SYNJ2: variants seen among roughly 807,000 people sequenced by gnomAD.
SYNJ2 encodes the protein polyphosphatidylinositol phosphatase SYNJ2.
A neutral mutation model predicts 141.3 loss-of-function variants in SYNJ2; 116 were observed. The observed-to-expected ratio is 0.82, with a 90% confidence interval of 0.71 to 0.96. The LOEUF (loss-of-function observed/expected upper bound fraction) is 0.96. Ranked by LOEUF, SYNJ2 falls within the 40% of genes least tolerant of loss-of-function variation. SYNJ2 has a pLI of 0.00. For missense variants in SYNJ2, 1,873 were observed against 1,934.8 expected, an observed-to-expected ratio of 0.97 and a Z score of 0.60; for synonymous variants, 745 against 777.7, an observed-to-expected ratio of 0.96 and a Z score of 0.70.
intron 2 of SYNJ2, among the ~76,000 whole-genome samples, chr6:158,026,465 A>G (rs567828161): frequency 6.6e-6 from 1 of 152,166 alleles, no homozygotes; most frequent in South Asian, 2.1e-4. Flanking sequence ...CCCTGCCTCC[A>G]CTGCGCTCAC....
chr6:158,033,810 T>C, intron 4 of SYNJ2, 130 bp downstream of exon 4: 1 of 908,706 alleles, frequency 1.1e-6, no homozygotes, highest in Non-Finnish European at 1.6e-6. Context: ...CTTCCTCCTA[T>C]AAGTGGAGAA....
intron 1 of SYNJ2, among the ~76,000 whole-genome samples, chr6:158,012,530 A>G (rs986149124): frequency 5.9e-5 from 9 of 152,218 alleles, no homozygotes; most frequent in Non-Finnish European, 1.2e-4. Context: ...AGAGACAAGG[A>G]AATGGATTCT....
chr6:158,024,050 CCTA>C (rs1291901602), intron 2 of SYNJ2, among the ~76,000 whole-genome samples: 1 of 152,150 alleles, frequency 6.6e-6, no homozygotes, highest in African/African-American at 2.4e-5. Flanking sequence ...TGGTGCAGAA[CCTA>C]CTTTCATTCC....
intron 2 of SYNJ2, among the ~76,000 whole-genome samples, chr6:158,022,388 C>T (rs1465443276): frequency 6.6e-6 from 1 of 152,206 alleles, no homozygotes; most frequent in African/African-American, 2.4e-5. Context: ...CTTGGGTCTG[C>T]AAGCCACGTA....
chr6:157,982,202 CG>C lies in SYNJ2; in HGVS notation c.127+118del. The C allele has an allele frequency of 8.2e-7, 1 of 1,215,984 alleles. No homozygotes were observed. The highest frequency in any genetic ancestry group is 1.6e-5 in the African/African-American group (1 of 63,620). The allele number at this position is 1,215,984 out of a possible 1,614,324, so 75.3% of individuals were successfully genotyped here. On this transcript the variant is annotated intron_variant, in intron 1 of 26. Transcript: ENST00000355585. The surrounding 1 kb of genome is among the most constrained non-coding windows in gnomAD (Gnocchi z 4.0). ...GGGGATCGGGCGGCGCTGGGACTGC[CG>C]GGGCGTAGGGGTCGCGCGCAGAGGG...
Position 158,084,369 on chromosome 6 carries a change from T to C in SYNJ2, c.3208+195T>C, listed in dbSNP as rs1188546224. Among the ~76,000 whole-genome samples, 1 of 152,088 alleles carries C rather than the reference T, an allele frequency of 6.6e-6. No individual in the cohort carries two copies. The highest frequency in any genetic ancestry group is 1.5e-5 in the Non-Finnish European group (1 of 68,010). On this transcript the variant is annotated intron_variant, in intron 22 of 26. Transcript: ENST00000355585. The surrounding 1 kb of genome is among the most constrained non-coding windows in gnomAD (Gnocchi z 5.0). ...AGCCAGCTCCAACACCCTGATTTCC[T>C]CTAGTTAGTTTATTTTTTTACAATA...
In SYNJ2 at chr6:157,985,792, C is replaced by T. The variant is rs902010181; in HGVS notation, c.127+3704C>T. 3.9e-5 allele frequency among the ~76,000 whole-genome samples: 6 copies of T among 152,062 alleles called. No individual in the cohort carries two copies. In the East Asian group the frequency reaches 9.6e-4, roughly 24 times the overall value. On this transcript the variant is annotated intron_variant, in intron 1 of 26. Transcript: ENST00000355585. ...GAAGTCGTGCCTCCTGCCGCCCAGC[C>T]GGGCTTTGCTGTGAACAGGCAGCAG...
intron 15 of SYNJ2, among the ~76,000 whole-genome samples, chr6:158,072,375 G>A (rs1781991568): frequency 6.6e-6 from 1 of 152,220 alleles, no homozygotes; most frequent in African/African-American, 2.4e-5. Flanking sequence ...GAAACTGGAG[G>A]ATTTTCTTTT....
rs1781847329 is a variant in SYNJ2 at position 158,070,433 on chromosome 6, A to C, written c.1940+760A>C. On this transcript the variant is annotated intron_variant, in intron 14 of 26. Coordinates refer to ENST00000355585, the MANE Select transcript of SYNJ2 (RefSeq NM_003898.4). The surrounding 1 kb of genome is among the most constrained non-coding windows in gnomAD (Gnocchi z 4.0). ...CATAATCCTCTTCTCTGACTTTCAG[A>C]AGATGTTTAGGTCCCTGTCCCTCTG... 4 of 985,262 alleles carry C rather than the reference A, an allele frequency of 4.1e-6. No individual in the cohort carries two copies. In the South Asian group the frequency reaches 1.4e-4, roughly 35 times the overall value. 61.0% of individuals were successfully genotyped at this position (985,262 alleles called of 1,614,324 possible).
chr6:157,993,988 G>A (rs1326507657), intron 1 of SYNJ2, among the ~76,000 whole-genome samples: 2 of 151,090 alleles, frequency 1.3e-5, no homozygotes, highest in African/African-American at 4.9e-5. Flanking sequence ...CTAATTTTTT[G>A]TATTTTTTAG....
chr6:158,012,476 A>T (rs1390417988), intron 1 of SYNJ2, among the ~76,000 whole-genome samples: 1 of 152,192 alleles, frequency 6.6e-6, no homozygotes, highest in Non-Finnish European at 1.5e-5. Context: ...AGAGGAAGGA[A>T]GGAGCCGAGA....
In SYNJ2 at chr6:157,989,078, T is replaced by G. The variant is rs920090605; in HGVS notation, c.127+6990T>G. 4.6e-5 allele frequency among the ~76,000 whole-genome samples: 7 copies of G among 152,218 alleles called. No individual in the cohort carries two copies. The South Asian group carries it at 1.0e-3, about 22-fold the overall frequency. ...GGAGTGCTTAATCCGCTATTCTACA[T>G]GCAGAAGTTTATCTCAGGAAACAGT... is the stretch of plus-strand genomic sequence containing the variant. On this transcript the variant is annotated intron_variant, in intron 1 of 26. Transcript: ENST00000355585.
At chr6:158,087,312 G>A (rs1432430405) in intron 23 of SYNJ2, among the ~76,000 whole-genome samples, 2 of 152,166 alleles carry the variant, frequency 1.3e-5, no homozygotes, top group African/African-American at 4.8e-5. Flanking sequence ...CGTGAGCTTC[G>A]CAGTCAGAAG....
At chr6:158,013,335 T>G (rs1437865656) in intron 1 of SYNJ2, among the ~76,000 whole-genome samples, 1 of 152,090 alleles carries the variant, frequency 6.6e-6, no homozygotes, top group African/African-American at 2.4e-5. Context: ...GAGCTGAGAT[T>G]GCACCATTGT....
At chr6:158,057,928 A>G (rs2128358885) in intron 6 of SYNJ2, among the ~76,000 whole-genome samples, 1 of 152,362 alleles carries the variant, frequency 6.6e-6, no homozygotes, top group Middle Eastern at 3.4e-3. Context: ...GGAGCCCGGG[A>G]GGGTGCTCAC....
At chr6:158,049,805 T>C (rs948851678) in intron 5 of SYNJ2, among the ~76,000 whole-genome samples, 2 of 151,684 alleles carry the variant, frequency 1.3e-5, no homozygotes, top group African/African-American at 2.4e-5. Context: ...GCTCTGCAGG[T>C]GGGGACACGG....
chr6:158,041,241 T>C (rs919043779), intron 4 of SYNJ2, among the ~76,000 whole-genome samples: 2 of 152,182 alleles, frequency 1.3e-5, no homozygotes, highest in Admixed American at 6.5e-5. Flanking sequence ...CAGCTTGTGC[T>C]AATACCAGAG....
At position 158,055,024 on chromosome 6, in the gene SYNJ2, G is replaced by T; in HGVS notation, c.853G>T (p.Asp285Tyr). 1 of 1,613,740 alleles carries T rather than the reference G, an allele frequency of 6.2e-7. No individual in the cohort carries two copies. Among genetic ancestry groups the T allele is most frequent in the African/African-American group, 1.3e-5 (1 of 75,044 alleles). The change falls in exon 6 of 27, where the codon GAC becomes TAC. Residue 285 changes from aspartate to tyrosine, a missense_variant. Transcript: ENST00000355585. ...CCTGGAAGCCAATGCCCCTGCTTTC[G>T]ACAGGTAGGGATTGTCTGACACCAT... ...RGLEANAPAF[D>Y]RHMVLLKEQY...
chr6:158,018,475 C>T (rs544935170), intron 2 of SYNJ2, among the ~76,000 whole-genome samples: 5 of 152,232 alleles, frequency 3.3e-5, no homozygotes, highest in South Asian at 2.1e-4. Context: ...CCCTTCCCTG[C>T]TCACAGCAGC....
Sources: gnomAD v4.1 joint callset for allele counts (sites outside exome capture counted in the v4.1 genomes callset) on GRCh38, gnomAD v4.1.1 for gene constraint, Gnocchi (gnomAD v3.1) non-coding constraint, MANE v1.5 for transcripts, NCBI Gene and HGNC (gene_info 2026-07-23, HGNC 2026-07-21) for gene names.